Variants in TRIM14 observed in about 807,000 individuals in gnomAD.
TRIM14 encodes the protein tripartite motif containing 14, also known as tripartite motif-containing protein 14.
TRIM14 carries 28 observed loss-of-function variants against 44.5 expected under a neutral mutation model. That is an observed-to-expected ratio of 0.63 (90% CI 0.47 to 0.86). TRIM14 has a LOEUF of 0.86. Among genes scored for constraint, TRIM14 ranks in the 40% least tolerant of loss-of-function variants. The pLI is 0.00. For synonymous variants in TRIM14, 299 were observed against 269.2 expected (o/e 1.11, Z -1.08); for missense variants, 607 against 611.1 (o/e 0.99, Z 0.07).
chr9:98,068,181 C>A (rs1273758023), downstream of TRIM14, among the ~76,000 whole-genome samples: 1 of 152,190 alleles, frequency 6.6e-6, no homozygotes, highest in African/African-American at 2.4e-5. Context: ...GTCACCCAGA[C>A]TGGAGTGCAG....
intron 2 of TRIM14, among the ~76,000 whole-genome samples, chr9:98,104,846 A>G (rs770817187): frequency 9.2e-5 from 14 of 152,288 alleles, no homozygotes; most frequent in Non-Finnish European, 1.6e-4. Flanking sequence ...TGAGGAGATG[A>G]AAGGAGGGCG....
chr9:98,104,187 A>G (rs1826514278), intron 2 of TRIM14, among the ~76,000 whole-genome samples: 1 of 152,252 alleles, frequency 6.6e-6, no homozygotes, highest in Non-Finnish European at 1.5e-5. Flanking sequence ...GCAATGGGTC[A>G]ATGAGCCTGG....
At chr9:98,111,038 T>C (rs1587974725) in intron 1 of TRIM14, among the ~76,000 whole-genome samples, 1 of 143,910 alleles carries the variant, frequency 6.9e-6, no homozygotes, top group East Asian at 2.0e-4. Context: ...GGCAACAGAG[T>C]GAGACCCTGT....
the TRIM14 span, among the ~76,000 whole-genome samples, chr9:98,058,389 C>T: frequency 0.31 from 47,065 of 152,058 alleles, 9,457 homozygotes; most frequent in African/African-American, 0.56. Flanking sequence ...TGCCATGATG[C>T]TGCCGATTTC....
intron 4 of TRIM14, among the ~76,000 whole-genome samples, chr9:98,092,257 G>A (rs572867787): frequency 6.6e-6 from 1 of 152,298 alleles, no homozygotes; most frequent in Admixed American, 6.5e-5. Context: ...GGCGACTCAG[G>A]GAAGATGTGC....
chr9:98,042,687 C>T, the TRIM14 span, among the ~76,000 whole-genome samples: 1 of 151,996 alleles, frequency 6.6e-6, no homozygotes, highest in African/African-American at 2.4e-5. Context: ...CTGGCCAACA[C>T]GGTGAAACCC....
At chr9:98,040,829 G>A in the TRIM14 span, among the ~76,000 whole-genome samples, 1 of 152,008 alleles carries the variant, frequency 6.6e-6, no homozygotes, top group Non-Finnish European at 1.5e-5. Context: ...GCTAATTTTT[G>A]TATTTTTAGT....
chr9:98,056,629 C>G, the TRIM14 span: 1 of 959,138 alleles, frequency 1.0e-6, no homozygotes, highest in Non-Finnish European at 1.5e-6. Flanking sequence ...CCGCCCCCCG[C>G]CCCGATTGGC....
chr9:98,092,155 C>A (rs935058542), intron 4 of TRIM14, among the ~76,000 whole-genome samples, 154 bp from the exon 5 acceptor site: 1 of 152,140 alleles, frequency 6.6e-6, no homozygotes, highest in Admixed American at 6.6e-5. Context: ...GACAGGAAAA[C>A]CCCAGGATGA....
the TRIM14 span, among the ~76,000 whole-genome samples, chr9:98,050,877 G>A: frequency 6.6e-6 from 1 of 152,064 alleles, no homozygotes; most frequent in Non-Finnish European, 1.5e-5. Context: ...GGGTTTAAGC[G>A]ATTCTCATGC....
At chr9:98,093,199 G>C (rs1367387544) in intron 4 of TRIM14, among the ~76,000 whole-genome samples, 1 of 152,008 alleles carries the variant, frequency 6.6e-6, no homozygotes, top group Non-Finnish European at 1.5e-5. Context: ...TCTCTCCCCT[G>C]TGACCCTACG....
intron 2 of TRIM14, among the ~76,000 whole-genome samples, chr9:98,108,081 CTTTTTTT>C (rs34246943): frequency 6.0e-5 from 8 of 133,550 alleles, no homozygotes; most frequent in African/African-American, 2.2e-4. Context: ...ACATACCATC[CTTTTTTT>C]TTTTTTTTTT....
chr9:98,081,135 A>G (rs4237190), downstream of TRIM14: 833,181 of 1,602,124 alleles, frequency 0.52, 225,964 homozygotes, highest in African/African-American at 0.89. Flanking sequence ...GAAAAAGGAT[A>G]GGCTGGCCTG....
chr9:98,037,142 C>T, the TRIM14 span, among the ~76,000 whole-genome samples: 3 of 152,184 alleles, frequency 2.0e-5, no homozygotes, highest in African/African-American at 7.2e-5. Flanking sequence ...CTTTGGGAGG[C>T]TGAGGCAGGA....
chr9:98,069,399 G>C (rs1829245059), exon 7 of TRIM14: 1 of 152,132 alleles, frequency 6.6e-6, no homozygotes, highest in South Asian at 2.1e-4. Flanking sequence ...TCAGCCTCCT[G>C]AGTAGCAGGG....
chr9:98,056,621 G>GC, the TRIM14 span: 14 of 872,388 alleles, frequency 1.6e-5, no homozygotes, highest in Non-Finnish European at 1.6e-5. Flanking sequence ...CCCCGCCCCC[G>GC]CCCCCCGCCC....
chr9:98,082,323 C>G (rs1002295500), downstream of TRIM14, among the ~76,000 whole-genome samples: 1 of 152,158 alleles, frequency 6.6e-6, no homozygotes, highest in Admixed American at 6.5e-5. Context: ...AGTTAAGAAT[C>G]TCATCCCTAT....
At chr9:98,050,966 G>A in the TRIM14 span, among the ~76,000 whole-genome samples, 2 of 152,034 alleles carry the variant, frequency 1.3e-5, no homozygotes, top group Non-Finnish European at 2.9e-5. Context: ...TAGAGACAGG[G>A]TTTCACCATG....
the TRIM14 span, among the ~76,000 whole-genome samples, chr9:98,062,785 T>G: frequency 8.7e-5 from 13 of 150,228 alleles, no homozygotes; most frequent in African/African-American, 3.2e-4. Flanking sequence ...CAGTTTTTTT[T>G]TTTTTTTTTT....
Sources: gnomAD v4.1 joint callset for allele counts (sites outside exome capture counted in the v4.1 genomes callset) on GRCh38, gnomAD v4.1.1 for gene constraint, MANE v1.5 for transcripts, NCBI Gene and HGNC (gene_info 2026-07-23, HGNC 2026-07-21) for gene names.